The following CBR4 variants were observed in gnomAD, a reference collection of about 807,000 sequenced individuals.
The protein encoded by CBR4 is carbonyl reductase 4, also known as 3-oxoacyl-[acyl-carrier-protein] reductase.
Under a neutral mutation model 21.0 loss-of-function variants are expected in CBR4, and 22 were observed. The observed-to-expected ratio is 1.05, with a 90% CI of 0.75 to 1.50. The LOEUF is 1.50. Ranked by LOEUF, CBR4 falls within the 40% of genes most tolerant of loss-of-function variation. The pLI, the probability that CBR4 is intolerant of heterozygous loss-of-function variation, is 0.00. For missense variants in CBR4, 302 were observed against 286.3 expected (o/e 1.05, Z -0.40); for synonymous variants, 100 against 104.4 (o/e 0.96, Z 0.26).
chr4:168,995,831 G>C (rs1765172858), intron 4 of CBR4, among the ~76,000 whole-genome samples: 1 of 152,078 alleles, frequency 6.6e-6, no homozygotes, highest in South Asian at 2.1e-4. Context: ...AGCTAGATAT[G>C]GAACAGATAA....
At chr4:168,946,288 G>C (rs529677687) in intron 2 of CBR4, among the ~76,000 whole-genome samples, 1 of 152,190 alleles carries the variant, frequency 6.6e-6, no homozygotes, top group Non-Finnish European at 1.5e-5. Context: ...GTCTTCTCTG[G>C]AGAATCTGAC....
intron 3 of CBR4, among the ~76,000 whole-genome samples, chr4:169,002,937 A>G (rs1730583233): frequency 6.6e-6 from 1 of 152,062 alleles, no homozygotes; most frequent in Non-Finnish European, 1.5e-5. Context: ...GTGATCAGTG[A>G]TTCTTGATGT....
intron 2 of CBR4, among the ~76,000 whole-genome samples, chr4:168,934,917 C>T (rs978293194): frequency 6.6e-6 from 1 of 152,146 alleles, no homozygotes; most frequent in Non-Finnish European, 1.5e-5. Flanking sequence ...AATGAACATA[C>T]ATGCAAAAAT....
At chr4:168,964,208 A>C (rs1763951100) in intron 2 of CBR4, among the ~76,000 whole-genome samples, 1 of 152,210 alleles carries the variant, frequency 6.6e-6, no homozygotes. Context: ...CTTGTGTTGC[A>C]TGATTAGACA....
chr4:168,974,845 T>A (rs890200958), intron 2 of CBR4, among the ~76,000 whole-genome samples: 1 of 152,228 alleles, frequency 6.6e-6, no homozygotes, highest in Admixed American at 6.5e-5. Flanking sequence ...GGTTTTCACC[T>A]TCCTCTGGTA....
intron 3 of CBR4, 76 bp downstream of exon 3, chr4:169,006,679 C>T: frequency 7.7e-7 from 1 of 1,291,350 alleles, no homozygotes; most frequent in Non-Finnish European, 1.1e-6. Context: ...CACAATAAAT[C>T]ACAAATTCGT....
Position 168,921,726 on chromosome 4 carries a change from G to A in CBR4, n.170-26961C>T. On this transcript the variant is annotated intron_variant and non_coding_transcript_variant, in intron 2 of 3. Coordinates refer to the CBR4 transcript ENST00000509108. ...AGCAGGACAGAACTCATTCAGCCTG[G>A]AGCTTGTGGTTGCTGGTAGGCTCAT... 1 of 1,611,408 alleles carries A rather than the reference G, an allele frequency of 6.2e-7. No individual in the cohort carries two copies. Among genetic ancestry groups the A allele is most frequent in the Middle Eastern group, 2.2e-4 (1 of 4,488 alleles).
chr4:168,904,689 G>C (rs988965737), intron 2 of CBR4, among the ~76,000 whole-genome samples: 1 of 152,012 alleles, frequency 6.6e-6, no homozygotes, highest in Non-Finnish European at 1.5e-5. Flanking sequence ...AAAAAAAAAG[G>C]CATGGTAAAA....
intron 4 of CBR4, 162 bp downstream of exon 4, chr4:169,001,909 G>T: frequency 1.8e-6 from 1 of 550,426 alleles, no homozygotes; most frequent in East Asian, 3.3e-5. Context: ...TAGAATATGA[G>T]GTACAAAAAA....
intron 3 of CBR4, among the ~76,000 whole-genome samples, chr4:169,003,057 C>A (rs1289345002): frequency 1.3e-5 from 2 of 152,140 alleles, no homozygotes; most frequent in Non-Finnish European, 2.9e-5. Context: ...TGTTTTCGTG[C>A]CTGTTAACAC....
chr4:168,949,694 A>G (rs958718740), intron 2 of CBR4, among the ~76,000 whole-genome samples: 1 of 152,114 alleles, frequency 6.6e-6, no homozygotes, highest in Non-Finnish European at 1.5e-5. Context: ...AAGGATTGGT[A>G]CCAATTCTTC....
chr4:168,929,452 G>C (rs757458257), intron 2 of CBR4, among the ~76,000 whole-genome samples: 2 of 152,158 alleles, frequency 1.3e-5, no homozygotes, highest in African/African-American at 2.4e-5. Context: ...TTGCTATGTA[G>C]TTTACAAGAT....
Position 168,988,058 on chromosome 4 carries a change from TAGC to T in CBR4, c.*2089_*2091del. On this transcript the variant is annotated 3_prime_UTR_variant, in exon 5 of 5. Coordinates refer to ENST00000306193, the MANE Select transcript of CBR4 (RefSeq NM_032783.5). ...AGAATTCATTCAATGCTTCTCAGAA[TAGC>T]AGATTTTAAAAAATGAATTCACTGA... The T allele has an allele frequency of 1.0e-6, 1 of 985,322 alleles. No homozygotes were observed. The allele number at this position is 985,322 out of a possible 1,614,324, so 61.0% of individuals were successfully genotyped here.
chr4:168,969,530 G>A, intron 2 of CBR4, among the ~76,000 whole-genome samples: 1 of 152,116 alleles, frequency 6.6e-6, no homozygotes, highest in Non-Finnish European at 1.5e-5. Flanking sequence ...TTTCTAGCTG[G>A]TCAGAAAACA....
chr4:168,936,201 G>A (rs1423089557), intron 2 of CBR4, among the ~76,000 whole-genome samples: 4 of 152,218 alleles, frequency 2.6e-5, no homozygotes. Context: ...CTGACTGTTA[G>A]AAGGAAAACT....
chr4:168,979,474 C>T (rs1764474004), intron 2 of CBR4, among the ~76,000 whole-genome samples: 1 of 152,216 alleles, frequency 6.6e-6, no homozygotes, highest in African/African-American at 2.4e-5. Context: ...AGCACAGCCA[C>T]CCAGCCCCCG....
chr4:168,897,673 A>T (rs1755511702), intron 2 of CBR4, among the ~76,000 whole-genome samples: 1 of 152,124 alleles, frequency 6.6e-6, no homozygotes, highest in Non-Finnish European at 1.5e-5. Flanking sequence ...GCTGGTCTCA[A>T]ACTCCTGGCC....
At chr4:168,932,093 T>G (rs748516392) in intron 2 of CBR4, among the ~76,000 whole-genome samples, 1 of 152,256 alleles carries the variant, frequency 6.6e-6, no homozygotes, top group Non-Finnish European at 1.5e-5. Context: ...TAACACACCT[T>G]AATCATAAGG....
At chr4:168,936,341 G>C (rs933397346) in intron 2 of CBR4, among the ~76,000 whole-genome samples, 24 of 152,148 alleles carry the variant, frequency 1.6e-4, no homozygotes, top group African/African-American at 5.8e-4. Context: ...CAATGCAAAA[G>C]GGCTGAAAAT....
Sources: allele counts gnomAD v4.1 joint callset (sites outside exome capture counted in the v4.1 genomes callset), GRCh38; gene constraint gnomAD v4.1.1; transcripts MANE v1.5; gene names NCBI Gene and HGNC (gene_info 2026-07-23, HGNC 2026-07-21).